FHAD1: variants seen among roughly 807,000 people sequenced by gnomAD.
FHAD1 encodes forkhead-associated domain-containing protein 1.
In FHAD1, 146 loss-of-function variants were observed where a neutral mutation model predicts 191.3. The ratio of observed to expected loss-of-function variants is 0.76; its 90% CI spans 0.67 to 0.88. FHAD1 has a LOEUF of 0.88. Ranked by LOEUF, FHAD1 falls within the 40% of genes least tolerant of loss-of-function variation. FHAD1 has a pLI of 0.00. For missense variants in FHAD1, 1,635 were observed against 1,785.8 expected (o/e 0.92, Z 1.52); for synonymous variants, 616 against 672.3 (o/e 0.92, Z 1.29).
At chr1:15,256,068 C>T (rs1335720324) in intron 2 of FHAD1, among the ~76,000 whole-genome samples, 2 of 152,214 alleles carry the variant, frequency 1.3e-5, no homozygotes, top group Non-Finnish European at 2.9e-5. Flanking sequence ...CAGCCTCGCT[C>T]ATTTCAGAGC....
Position 15,397,560 on chromosome 1 carries a change from C to T in FHAD1, c.*147C>T, listed in dbSNP as rs775565798. ...TCATTTCCTAGACCAGTATTTTGAACAATATTATATTTTGGAGACTGTGGG... is the reference window on the plus strand; with the variant it reads ...TCATTTCCTAGACCAGTATTTTGAATAATATTATATTTTGGAGACTGTGGG... On this transcript the variant is annotated 3_prime_UTR_variant, in exon 34 of 34. Transcript: ENST00000688493. The T allele has an allele frequency of 1.1e-5, 5 of 448,780 alleles. No homozygotes were observed. Among genetic ancestry groups the T allele is most frequent in the Non-Finnish European group, 1.6e-5 (4 of 249,380 alleles). The allele number at this position is 448,780 out of a possible 1,614,324, so 27.8% of individuals were successfully genotyped here. A position where few individuals can be genotyped will look rare whatever the true frequency, so the allele number is the denominator to read the frequency against.
At chr1:15,363,860 G>A (rs1373071874) in intron 23 of FHAD1, 10 of 451,454 alleles carry the variant, frequency 2.2e-5, no homozygotes, top group Admixed American at 1.2e-4. Context: ...ATGCAGTGGA[G>A]GGATTCAGAA....
chr1:15,360,042 G>C (rs1382471011), intron 21 of FHAD1, among the ~76,000 whole-genome samples: 2 of 152,214 alleles, frequency 1.3e-5, no homozygotes, highest in Admixed American at 1.3e-4. Flanking sequence ...GAACCCAGGA[G>C]GCAGAGGTTG....
intron 20 of FHAD1, 57 bp from the exon 21 acceptor site, chr1:15,358,053 C>G (rs1276823677): frequency 1.6e-6 from 2 of 1,257,316 alleles, no homozygotes; most frequent in Non-Finnish European, 2.2e-6. Context: ...GATAAGGGGG[C>G]TGGGTAAATA....
chr1:15,340,903 C>T (rs144837399), intron 15 of FHAD1, among the ~76,000 whole-genome samples: 7 of 152,140 alleles, frequency 4.6e-5, no homozygotes, highest in South Asian at 2.1e-4. Context: ...TTATTTACGG[C>T]GGGCACGGTG....
chr1:15,312,577 G>T lies in FHAD1; in HGVS notation c.1040-480G>T, dbSNP rs561138774. Among the ~76,000 whole-genome samples, 1 of 152,178 alleles carries T rather than the reference G, an allele frequency of 6.6e-6. No homozygotes were observed. Among genetic ancestry groups the T allele is most frequent in the Non-Finnish European group, 1.5e-5 (1 of 68,022 alleles). On this transcript the variant is annotated intron_variant, in intron 7 of 33. Transcript: ENST00000688493. The surrounding 1 kb of genome is among the most constrained non-coding windows in gnomAD (Gnocchi z 4.7). ...CTTGGGAGGCCAAGGCAGGAGGATC[G>T]CCTGAGTCCAGGAGGTCGAGGCTGT... is the stretch of plus-strand genomic sequence containing the variant.
chr1:15,374,716 G>A (rs1699066953), intron 27 of FHAD1, 85 bp downstream of exon 27: 9 of 1,492,586 alleles, frequency 6.0e-6, no homozygotes, highest in Non-Finnish European at 7.2e-6. Flanking sequence ...GGACTACCAT[G>A]TTTTATCTGC....
At chr1:15,380,595 A>G in intron 28 of FHAD1, 106 bp from the exon 29 acceptor site, 1 of 880,442 alleles carries the variant, frequency 1.1e-6, no homozygotes. Context: ...ACTGAAAATC[A>G]ACTCTCTTGA....
At chr1:15,265,964 C>A (rs1653272311) in intron 2 of FHAD1, among the ~76,000 whole-genome samples, 1 of 82,634 alleles carries the variant, frequency 1.2e-5, no homozygotes, top group Non-Finnish European at 2.1e-5. Flanking sequence ...GAGCAAGACT[C>A]CATCTCAAAA....
At chr1:15,379,105 G>A (rs1405114159) in intron 28 of FHAD1, among the ~76,000 whole-genome samples, 1 of 152,080 alleles carries the variant, frequency 6.6e-6, no homozygotes, top group Admixed American at 6.5e-5. Context: ...CAGAGACAAA[G>A]TATAGAGAAA....
At chr1:15,302,163 C>T (rs1669020167) in intron 6 of FHAD1, among the ~76,000 whole-genome samples, 1 of 152,208 alleles carries the variant, frequency 6.6e-6, no homozygotes, top group South Asian at 2.1e-4. Context: ...TTTCCTATTT[C>T]CCCACAATGC....
At chr1:15,363,809 A>G (rs578009143) in intron 23 of FHAD1, 2 of 455,746 alleles carry the variant, frequency 4.4e-6, no homozygotes, top group South Asian at 3.1e-5. Flanking sequence ...TGAATGGGAA[A>G]GATCCAGAAA....
chr1:15,292,350 T>G (rs1665109879), intron 4 of FHAD1, among the ~76,000 whole-genome samples: 1 of 152,098 alleles, frequency 6.6e-6, no homozygotes. Context: ...TTTTGTCTTT[T>G]TGAGACGGAG....
Position 15,315,635 on chromosome 1 carries a change from G to A in FHAD1, c.1171-743G>A, listed in dbSNP as rs377607097. On this transcript the variant is annotated intron_variant, in intron 8 of 33. Transcript: ENST00000688493. ...CAAGTAGCTGGGACTACAGGCGCCCGCCACCACACCTGGCTAATTTTTTTG... is the reference window on the plus strand; with the variant it reads ...CAAGTAGCTGGGACTACAGGCGCCCACCACCACACCTGGCTAATTTTTTTG... Among the ~76,000 whole-genome samples, 43 of 151,818 alleles carry A rather than the reference G, an allele frequency of 2.8e-4. No homozygotes were observed. In the East Asian group the frequency reaches 6.0e-3, roughly 21 times the overall value.
chr1:15,362,997 T>G (rs1029582396), intron 23 of FHAD1, among the ~76,000 whole-genome samples: 1 of 152,230 alleles, frequency 6.6e-6, no homozygotes, highest in Non-Finnish European at 1.5e-5. Context: ...CGTGGAAAGA[T>G]TTAGGTAGAC....
intron 1 of FHAD1, among the ~76,000 whole-genome samples, chr1:15,240,969 AAAAAAAAG>A (rs1367796634): frequency 1.4e-4 from 20 of 145,498 alleles, no homozygotes; most frequent in South Asian, 6.3e-4. Context: ...AAAAAAAAAA[AAAAAAAAG>A]AAAGAAAGAA....
At chr1:15,302,262 C>T (rs1431459301) in intron 6 of FHAD1, among the ~76,000 whole-genome samples, 5 of 152,156 alleles carry the variant, frequency 3.3e-5, no homozygotes, top group South Asian at 2.1e-4. Context: ...AGGAACTGCC[C>T]GGTGTTCCAA....
intron 1 of FHAD1, among the ~76,000 whole-genome samples, chr1:15,240,391 G>C (rs1645208611): frequency 6.6e-6 from 1 of 152,158 alleles, no homozygotes; most frequent in Non-Finnish European, 1.5e-5. Flanking sequence ...CACTTTGGTA[G>C]TCCAAGGTGG....
intron 31 of FHAD1, among the ~76,000 whole-genome samples, chr1:15,386,404 C>G (rs1349109403): frequency 6.6e-6 from 1 of 152,236 alleles, no homozygotes. Flanking sequence ...GTGAATACAG[C>G]TAGGGCTACA....
Sources: gnomAD v4.1 joint callset for allele counts (sites outside exome capture counted in the v4.1 genomes callset) on GRCh38, gnomAD v4.1.1 for gene constraint, Gnocchi (gnomAD v3.1) non-coding constraint, MANE v1.5 for transcripts, NCBI Gene and HGNC (gene_info 2026-07-23, HGNC 2026-07-21) for gene names.